SLC9D1: variants seen among roughly 807,000 people sequenced by gnomAD.
SLC9D1 encodes solute carrier family 9 member D1, also known as putative LAG1-interacting protein.
At chr13:113,524,104 G>GT in the SLC9D1 span, 841 of 451,682 alleles carry the variant, frequency 1.9e-3, 15 homozygotes, top group African/African-American at 0.013. Context: ...GTTGAGTGGA[G>GT]TTTTTTTTAA....
chr13:113,501,673 G>C, the SLC9D1 span: 1 of 1,177,086 alleles, frequency 8.5e-7, no homozygotes, highest in Non-Finnish European at 1.2e-6. Context: ...ACTACGTCCT[G>C]TTCTGTGCCT....
the SLC9D1 span, chr13:113,529,566 C>G: frequency 6.6e-6 from 1 of 152,330 alleles, no homozygotes; most frequent in East Asian, 1.9e-4. Flanking sequence ...AGGAGAATCA[C>G]TTGAACCCAG....
chr13:113,491,689 A>G, the SLC9D1 span, among the ~76,000 whole-genome samples: 2 of 152,010 alleles, frequency 1.3e-5, no homozygotes, highest in African/African-American at 4.8e-5. Context: ...CTGGAATGGA[A>G]CCTGCGTTCC....
At chr13:113,540,157 C>T in the SLC9D1 span, among the ~76,000 whole-genome samples, 4 of 152,096 alleles carry the variant, frequency 2.6e-5, no homozygotes, top group African/African-American at 4.8e-5. Flanking sequence ...CAATCTGGGC[C>T]GATTCTGTGT....
At chr13:113,499,333 G>C in the SLC9D1 span, among the ~76,000 whole-genome samples, 1 of 152,074 alleles carries the variant, frequency 6.6e-6, no homozygotes, top group African/African-American at 2.4e-5. Context: ...TATCAGTCTT[G>C]GCGACCTCCT....
At chr13:113,546,342 C>T in the SLC9D1 span, among the ~76,000 whole-genome samples, 1 of 151,292 alleles carries the variant, frequency 6.6e-6, no homozygotes, top group Non-Finnish European at 1.5e-5. The surrounding 1 kb of genome is among the most constrained non-coding windows in gnomAD (Gnocchi z 7.1). Context: ...GAGGGGGACA[C>T]AGTGGGGCCA....
chr13:113,546,666 C>T, the SLC9D1 span, among the ~76,000 whole-genome samples: 837 of 152,174 alleles, frequency 5.5e-3, 5 homozygotes, highest in African/African-American at 0.019. The surrounding 1 kb of genome is among the most constrained non-coding windows in gnomAD (Gnocchi z 7.1). Context: ...GGGCTTCCTC[C>T]GAGGGCTGAC....
chr13:113,504,314 T>C, the SLC9D1 span: 3 of 152,234 alleles, frequency 2.0e-5, no homozygotes, highest in Non-Finnish European at 2.9e-5. Flanking sequence ...CTCTCTCATG[T>C]AGTATTCCTT....
At chr13:113,516,310 A>C in the SLC9D1 span, among the ~76,000 whole-genome samples, 1 of 152,220 alleles carries the variant, frequency 6.6e-6, no homozygotes, top group South Asian at 2.1e-4. Flanking sequence ...CATGCCTGTA[A>C]TCCCAGCACT....
At chr13:113,520,820 G>T in the SLC9D1 span, 3 of 1,002,636 alleles carry the variant, frequency 3.0e-6, no homozygotes, top group South Asian at 1.4e-5. Context: ...CCAAAGAGAT[G>T]TTCTGAGCTC....
chr13:113,522,980 A>T, the SLC9D1 span, among the ~76,000 whole-genome samples: 1 of 152,172 alleles, frequency 6.6e-6, no homozygotes, highest in Non-Finnish European at 1.5e-5. Context: ...TTGGAAGTTG[A>T]ACCAGCCTTG....
the SLC9D1 span, chr13:113,530,620 A>G: frequency 6.6e-6 from 1 of 152,216 alleles, no homozygotes; most frequent in African/African-American, 2.4e-5. Flanking sequence ...TAGTTGCAAC[A>G]TAATAGACTC....
At chr13:113,511,170 T>G in the SLC9D1 span, among the ~76,000 whole-genome samples, 1 of 142,626 alleles carries the variant, frequency 7.0e-6, no homozygotes, top group African/African-American at 2.8e-5. Flanking sequence ...AGGTGGCTGT[T>G]TCTGACAGCC....
chr13:113,505,838 C>T, the SLC9D1 span: 1 of 152,292 alleles, frequency 6.6e-6, no homozygotes, highest in Non-Finnish European at 1.5e-5. Flanking sequence ...AGTTCATCCT[C>T]TTACCTAGAA....
At chr13:113,495,531 A>C in the SLC9D1 span, 1 of 1,330,036 alleles carries the variant, frequency 7.5e-7, no homozygotes, top group Non-Finnish European at 1.0e-6. Flanking sequence ...ATGCAAGCTC[A>C]GTGGGGCAGA....
chr13:113,527,732 TCAG>T, the SLC9D1 span: 2 of 152,088 alleles, frequency 1.3e-5, no homozygotes, highest in Non-Finnish European at 2.9e-5. Context: ...CAGGAAGTTT[TCAG>T]CCATCATTTC....
chr13:113,537,368 C>T, the SLC9D1 span, among the ~76,000 whole-genome samples: 3 of 152,238 alleles, frequency 2.0e-5, no homozygotes, highest in Non-Finnish European at 2.9e-5. Context: ...TTCCTGGCCC[C>T]GTGGGCCGCT....
At chr13:113,545,859 G>A in the SLC9D1 span, 1,553 of 152,936 alleles carry the variant, frequency 0.01, 17 homozygotes, top group South Asian at 0.03. Flanking sequence ...GGCTCAGGGC[G>A]TGCTGGGGAG....
At chr13:113,543,160 A>ACCCTCCCTGTGTGTTACCCCCACCT in the SLC9D1 span, among the ~76,000 whole-genome samples, 13 of 12,676 alleles carry the variant, frequency 1.0e-3, 4 homozygotes, top group South Asian at 0.01. Context: ...CCCCCGCCCT[A>ACCCTCCCTGTGTGTTACCCCCACCT]CCTCTGTCCG....
Sources: gnomAD v4.1 joint callset for allele counts (sites outside exome capture counted in the v4.1 genomes callset) on GRCh38, gnomAD v4.1.1 for gene constraint, Gnocchi (gnomAD v3.1) non-coding constraint, MANE v1.5 for transcripts, NCBI Gene and HGNC (gene_info 2026-07-23, HGNC 2026-07-21) for gene names.